KIF21A: variants seen among roughly 807,000 people sequenced by gnomAD.
KIF21A encodes kinesin-like protein KIF21A.
Under a neutral mutation model 202.9 loss-of-function variants are expected in KIF21A, and 114 were observed. The ratio of observed to expected loss-of-function variants is 0.56; its 90% CI spans 0.48 to 0.66. The LOEUF is 0.66. KIF21A is among the 30% of genes least tolerant of loss of function. KIF21A has a pLI of 0.00. For missense variants in KIF21A, 1,677 were observed against 1,994.9 expected (o/e 0.84, Z 3.04); for synonymous variants, 667 against 670.8 (o/e 0.99, Z 0.09).
Position 39,417,982 on chromosome 12 carries a change from T to C in KIF21A, c.44+24945A>G, listed in dbSNP as rs533815413. 7.2e-5 allele frequency among the ~76,000 whole-genome samples: 11 copies of C among 152,000 alleles called. No homozygotes were observed. The East Asian group carries it at 2.1e-3, about 29-fold the overall frequency. ...CAGCACTTTGGGAGGCTAAGGCAGG[T>C]GGATCTCTTGGGCTCAGGAGTTGGA... On this transcript the variant is annotated intron_variant, in intron 1 of 37. Coordinates refer to ENST00000361418, the MANE Select transcript of KIF21A (RefSeq NM_001173464.2).
At chr12:39,363,834 A>G (rs1302962152) in intron 6 of KIF21A, among the ~76,000 whole-genome samples, 1 of 152,234 alleles carries the variant, frequency 6.6e-6, no homozygotes, top group Non-Finnish European at 1.5e-5. Flanking sequence ...CCCGACCAAC[A>G]TGGGGAAACC....
rs1412626064 is a variant in KIF21A at position 39,301,289 on chromosome 12, A to C, written c.4931+191T>G. Among the ~76,000 whole-genome samples the C allele has an allele frequency of 2.0e-5, 3 of 152,198 alleles. No individual in the cohort carries two copies. The East Asian group carries it at 5.8e-4, about 29-fold the overall frequency. On this transcript the variant is annotated intron_variant, in intron 37 of 37. Transcript: ENST00000361418. ...GCTATACAGGAGTAACAGTATTGTC[A>C]TGTAACCTGGGGTGCCTAAATTCAG...
rs112876932 is a variant in KIF21A, at chr12:39,341,246, G to A, written c.1922-152C>T. 5 of 743,432 alleles carry A rather than the reference G, an allele frequency of 6.7e-6. No individual in the cohort carries two copies. The Middle Eastern group carries it at 1.1e-3, about 169-fold the overall frequency. The allele number at this position is 743,432 out of a possible 1,614,324, so 46.1% of individuals were successfully genotyped here. A position where few individuals can be genotyped will look rare whatever the true frequency, so the allele number is the denominator to read the frequency against. ...TCCTGGAAAAACCAACAACCAAAAG[G>A]TGAATGAGATAAAGAGTGTTCATTT... On this transcript the variant is annotated intron_variant, in intron 14 of 37. Coordinates refer to ENST00000361418, the MANE Select transcript of KIF21A (RefSeq NM_001173464.2).
intron 1 of KIF21A, among the ~76,000 whole-genome samples, chr12:39,415,230 C>CTTTTTTT (rs1161997461): frequency 3.6e-5 from 2 of 55,460 alleles, no homozygotes; most frequent in Admixed American, 2.0e-4. Flanking sequence ...GTAGAGAATG[C>CTTTTTTT]TTTTTTTTTT....
intron 10 of KIF21A, chr12:39,356,519 A>C: frequency 4.4e-6 from 1 of 227,628 alleles, no homozygotes; most frequent in Non-Finnish European, 8.5e-6. Flanking sequence ...GAGGCATACG[A>C]AGGAAAGGCA....
chr12:39,392,889 CAATAA>C (rs1409587706), intron 1 of KIF21A, among the ~76,000 whole-genome samples: 2 of 133,164 alleles, frequency 1.5e-5, no homozygotes, highest in African/African-American at 5.7e-5. Flanking sequence ...AAGAAAAAGA[CAATAA>C]AATAAAAAGA....
intron 11 of KIF21A, among the ~76,000 whole-genome samples, chr12:39,348,835 T>A (rs781760812): frequency 6.6e-6 from 1 of 152,016 alleles, no homozygotes; most frequent in Non-Finnish European, 1.5e-5. Context: ...TACTCTTTTT[T>A]TCATTAGATT....
At chr12:39,328,446 C>T (rs1487714580) in intron 24 of KIF21A, among the ~76,000 whole-genome samples, 1 of 152,206 alleles carries the variant, frequency 6.6e-6, no homozygotes, top group East Asian at 1.9e-4. Flanking sequence ...CCATCTGTGT[C>T]TTTTCCCTTT....
rs1351512351 is a variant in KIF21A at position 39,355,707 on chromosome 12, T to TTTTATATATATATATATATATATATATA, written c.1469+1124_1469+1125insTATATATATATATATATATATATATAAA. On this transcript the variant is annotated intron_variant, in intron 10 of 37. Transcript: ENST00000361418. ...TACCAAAAACATGAAGCATGAACAA[T>TTTTATATATATATATATATATATATATA]TATATATATATATATATATATATAT... 3.4e-4 allele frequency among the ~76,000 whole-genome samples: 34 copies of TTTTATATATATATATATATATATATATA among 101,226 alleles called. 2 individuals are homozygous for TTTTATATATATATATATATATATATATA. Among genetic ancestry groups the TTTTATATATATATATATATATATATATA allele is most frequent in the South Asian group, 2.0e-3 (5 of 2,492 alleles). 66.4% of individuals were successfully genotyped at this position (101,226 alleles called of 152,430 possible).
At chr12:39,432,757 CCTG>C (rs1425061290) in intron 1 of KIF21A, among the ~76,000 whole-genome samples, 1 of 152,024 alleles carries the variant, frequency 6.6e-6, no homozygotes, top group Non-Finnish European at 1.5e-5. Context: ...ATTACAGGTG[CCTG>C]CTGCTATGCT....
chr12:39,294,601 A>T, intron 37 of KIF21A, 84 bp from the exon 38 acceptor site: 1 of 1,054,192 alleles, frequency 9.5e-7, no homozygotes, highest in Non-Finnish European at 1.5e-6. Flanking sequence ...TATCATGGAA[A>T]TATTTTCTAC....
At chr12:39,302,193 T>G (rs1008714566) in intron 36 of KIF21A, among the ~76,000 whole-genome samples, 1 of 152,222 alleles carries the variant, frequency 6.6e-6, no homozygotes. Context: ...ATGACTATAC[T>G]TCATGCATAA....
chr12:39,426,610 C>T (rs187727704), intron 1 of KIF21A, among the ~76,000 whole-genome samples: 1 of 151,816 alleles, frequency 6.6e-6, no homozygotes, highest in African/African-American at 2.4e-5. Flanking sequence ...CGGTGGCTCA[C>T]GCCTGTAATC....
intron 21 of KIF21A, 82 bp downstream of exon 21, chr12:39,332,132 T>C (rs1350475728): frequency 7.6e-7 from 1 of 1,318,044 alleles, no homozygotes; most frequent in Non-Finnish European, 1.1e-6. Context: ...TACCTTCATG[T>C]AAAAACTGAA....
intron 34 of KIF21A, 104 bp downstream of exon 34, chr12:39,307,461 A>T: frequency 9.8e-7 from 1 of 1,020,392 alleles, no homozygotes; most frequent in South Asian, 1.4e-5. Context: ...ATTTTACATT[A>T]ACTTCTGGGG....
At chr12:39,387,692 T>G (rs551870807) in intron 1 of KIF21A, among the ~76,000 whole-genome samples, 1 of 152,244 alleles carries the variant, frequency 6.6e-6, no homozygotes, top group East Asian at 1.9e-4. Flanking sequence ...CATTAGTAGA[T>G]GGCAAAGAAA....
chr12:39,339,291 A>G (rs1243348653), intron 16 of KIF21A, among the ~76,000 whole-genome samples: 3 of 152,012 alleles, frequency 2.0e-5, no homozygotes, highest in Non-Finnish European at 4.4e-5. Context: ...ATTTTTTACA[A>G]TACCTTTTCT....
chr12:39,315,700 A>G (rs1305612592), intron 30 of KIF21A, among the ~76,000 whole-genome samples: 3 of 151,876 alleles, frequency 2.0e-5, no homozygotes, highest in East Asian at 3.9e-4. Flanking sequence ...TTACAGACAG[A>G]AAACAGGTAT....
intron 1 of KIF21A, among the ~76,000 whole-genome samples, chr12:39,410,308 T>A (rs896200999): frequency 6.6e-6 from 1 of 152,216 alleles, no homozygotes; most frequent in Admixed American, 6.5e-5. Context: ...GATAAATTTG[T>A]GTTAAGTCAC....
Sources: allele counts gnomAD v4.1 joint callset (sites outside exome capture counted in the v4.1 genomes callset), GRCh38; gene constraint gnomAD v4.1.1; transcripts MANE v1.5; gene names NCBI Gene and HGNC (gene_info 2026-07-23, HGNC 2026-07-21).